Variants in PRDM10 observed in about 807,000 individuals in gnomAD.
PRDM10 encodes PR domain zinc finger protein 10.
PRDM10 carries 65 observed loss-of-function variants against 133.1 expected under a neutral mutation model. That is an observed-to-expected ratio of 0.49 (90% CI 0.40 to 0.60). The LOEUF (loss-of-function observed/expected upper bound fraction) is 0.60, where lower values mean the gene tolerates loss of function less well. Among genes scored for constraint, PRDM10 ranks in the 20% least tolerant of loss-of-function variants. The probability of loss-of-function intolerance (pLI) is 0.00; values close to 1 mark genes in which losing one functional copy is unlikely to be tolerated. For missense variants in PRDM10, 1,137 were observed against 1,507.1 expected (o/e 0.75, Z 4.07); for synonymous variants, 582 against 580.4 (o/e 1.00, Z -0.04).
At chr11:129,909,470 G>A (rs1300966282) in intron 19 of PRDM10, among the ~76,000 whole-genome samples, 1 of 151,562 alleles carries the variant, frequency 6.6e-6, no homozygotes, top group African/African-American at 2.4e-5. Context: ...AAAGAATATT[G>A]ATTGTAAAAA....
intron 13 of PRDM10, among the ~76,000 whole-genome samples, chr11:129,919,568 A>G (rs888403474): frequency 1.3e-5 from 2 of 152,220 alleles, no homozygotes; most frequent in African/African-American, 4.8e-5. Context: ...TGGTTTCACT[A>G]TTTAGTGACA....
intron 1 of PRDM10, among the ~76,000 whole-genome samples, chr11:129,999,788 T>C (rs1418769236): frequency 6.6e-6 from 1 of 152,202 alleles, no homozygotes; most frequent in Admixed American, 6.5e-5. Context: ...GAAATCAAAA[T>C]ATTATAATTC....
At chr11:129,960,230 T>C (rs1024651449) in intron 2 of PRDM10, among the ~76,000 whole-genome samples, 1 of 152,238 alleles carries the variant, frequency 6.6e-6, no homozygotes, top group Non-Finnish European at 1.5e-5. Context: ...GTATGTTTAC[T>C]ACAATGTTTA....
chr11:129,929,380 T>A (rs1442160804), intron 11 of PRDM10: 1 of 1,560,920 alleles, frequency 6.4e-7, no homozygotes. Context: ...AGTAACATTC[T>A]GTTATGTGAA....
intron 1 of PRDM10, among the ~76,000 whole-genome samples, chr11:129,996,315 C>G (rs1939061429): frequency 6.6e-6 from 1 of 152,200 alleles, no homozygotes. Flanking sequence ...TGCTCTGGTA[C>G]AGGGGATGGC....
Position 129,931,017 on chromosome 11 carries a change from C to A in PRDM10, c.1529G>T (p.Arg510Leu). 3 of 1,600,928 alleles carry A rather than the reference C, an allele frequency of 1.9e-6. No individual in the cohort carries two copies. Among genetic ancestry groups the A allele is most frequent in the South Asian group, 2.2e-5 (2 of 89,726 alleles). The change falls in exon 11 of 21, where the codon CGA becomes CTA. Residue 510 changes from arginine to leucine, a missense_variant and splice_region_variant. Transcript: ENST00000360871. ...ADDMRRAKRI[R>L]NAALQHLFIR... ...GAGCCGCCGGCTTTCCCCACTTACT[C>A]GGATGCGCTTGGCTCTGCGCATGTC... is the stretch of plus-strand genomic sequence containing the variant.
chr11:129,942,907 C>A (rs1309275622), intron 6 of PRDM10, among the ~76,000 whole-genome samples: 1 of 152,150 alleles, frequency 6.6e-6, no homozygotes, highest in African/African-American at 2.4e-5. Flanking sequence ...GATAAAAATG[C>A]TATAAATATG....
chr11:129,984,231 G>T (rs1349742936), intron 1 of PRDM10, among the ~76,000 whole-genome samples: 1 of 152,210 alleles, frequency 6.6e-6, no homozygotes, highest in African/African-American at 2.4e-5. Context: ...CCACTGGGTG[G>T]CTGGCACCAG....
At chr11:129,953,986 G>A (rs1951646071) in intron 4 of PRDM10, among the ~76,000 whole-genome samples, 1 of 148,514 alleles carries the variant, frequency 6.7e-6, no homozygotes, top group African/African-American at 2.4e-5. Flanking sequence ...GTTGGTTTGG[G>A]TCAAGAATAT....
At chr11:129,956,126 T>TA (rs373757342) in intron 3 of PRDM10, among the ~76,000 whole-genome samples, 18 of 148,970 alleles carry the variant, frequency 1.2e-4, no homozygotes, top group Admixed American at 6.0e-4. Context: ...AAGTCATAAT[T>TA]AAAAAAAAAA....
chr11:129,955,501 C>T lies in PRDM10; in HGVS notation c.294+11G>A, dbSNP rs755537935. The T allele has an allele frequency of 3.7e-6, 6 of 1,613,476 alleles. No homozygotes were observed. In the East Asian group the frequency reaches 1.3e-4, roughly 36 times the overall value. ...GTGTTATCCCCAAACAAGAAAAAGGCAGTTCGTTACCTGCTGAGCTGTAGC... is the reference window on the plus strand; with the variant it reads ...GTGTTATCCCCAAACAAGAAAAAGGTAGTTCGTTACCTGCTGAGCTGTAGC... On this transcript the variant is annotated intron_variant, in intron 4 of 20. Transcript: ENST00000360871.
intron 1 of PRDM10, among the ~76,000 whole-genome samples, chr11:129,978,181 G>A (rs913121535): frequency 6.6e-5 from 10 of 152,106 alleles, no homozygotes; most frequent in Admixed American, 2.6e-4. Flanking sequence ...GATAATGCTG[G>A]GACACTCCAG....
Position 129,923,693 on chromosome 11 carries a change from A to AGAGAGAGAGAGAGAGAGC in PRDM10, c.1879-291_1879-290insGCTCTCTCTCTCTCTCTC, listed in dbSNP as rs1491447398. ...GAGAGAGAGAGAGAGAGAGAGAGAG[A>AGAGAGAGAGAGAGAGAGC]GTGCTTGCTTGGTCAAAGCCCTGAT... is the stretch of plus-strand genomic sequence containing the variant. On this transcript the variant is annotated intron_variant, in intron 12 of 20. Transcript: ENST00000360871. The surrounding 1 kb of genome is among the most constrained non-coding windows in gnomAD (Gnocchi z 4.4). Among the ~76,000 whole-genome samples the AGAGAGAGAGAGAGAGAGC allele has an allele frequency of 2.9e-5, 4 of 135,674 alleles. No individual in the cohort carries two copies. Among genetic ancestry groups the AGAGAGAGAGAGAGAGAGC allele is most frequent in the African/African-American group, 1.1e-4 (4 of 35,514 alleles). The allele number at this position is 135,674 out of a possible 152,430, so 89.0% of individuals were successfully genotyped here. A position where few individuals can be genotyped will look rare whatever the true frequency, so the allele number is the denominator to read the frequency against.
rs1320573737 is a variant in PRDM10, at chr11:129,917,223, C to T, written c.2229G>A (p.Ser743=). The stretch of plus-strand genomic sequence containing the variant: ...CTATCTTCATGTCTGGGTGTCTCTT[C>T]GATAAGTGATTTACCTAAAGGGAAA... ...RRRGMLVNHL[S]KRHPDMKIEE... Residue 743 remains serine (S), a synonymous_variant, in exon 15 of 21, where the codon TCG becomes TCA. Transcript: ENST00000360871. 5.6e-6 allele frequency: 9 copies of T among 1,611,554 alleles called. No homozygotes were observed. Among genetic ancestry groups the T allele is most frequent in the Middle Eastern group, 1.7e-4 (1 of 6,056 alleles).
chr11:129,948,369 T>C (rs994456602), intron 4 of PRDM10, among the ~76,000 whole-genome samples: 19 of 152,134 alleles, frequency 1.2e-4, no homozygotes, highest in African/African-American at 4.1e-4. Flanking sequence ...CATATGTTGT[T>C]TTCCTCACCT....
chr11:129,996,765 G>A (rs1939086446), intron 1 of PRDM10, among the ~76,000 whole-genome samples: 1 of 152,194 alleles, frequency 6.6e-6, no homozygotes, highest in African/African-American at 2.4e-5. Context: ...GACCGAAGTG[G>A]CGGTTCCAAA....
chr11:129,935,232 A>C lies in PRDM10; in HGVS notation c.1040-14T>G, dbSNP rs1402923766. 1 of 1,599,014 alleles carries C rather than the reference A, an allele frequency of 6.3e-7. No individual in the cohort carries two copies. Among genetic ancestry groups the C allele is most frequent in the East Asian group, 2.2e-5 (1 of 44,782 alleles). On this transcript the variant is annotated splice_polypyrimidine_tract_variant and intron_variant, in intron 8 of 20. Coordinates refer to ENST00000360871, the MANE Select transcript of PRDM10 (RefSeq NM_199437.2). Reference sequence around the variant, plus strand: ...GCTCTCGAAGAACTACAGTCACAGGAGAGAAATCATAAAGGCTGATGACCA... The same window carrying C: ...GCTCTCGAAGAACTACAGTCACAGGCGAGAAATCATAAAGGCTGATGACCA...
chr11:129,996,178 A>G (rs1203799104), intron 1 of PRDM10, among the ~76,000 whole-genome samples: 2 of 152,230 alleles, frequency 1.3e-5, no homozygotes, highest in African/African-American at 4.8e-5. Flanking sequence ...GGAGTACAAT[A>G]CAACGTAAGC....
At chr11:129,973,376 T>A (rs1591680383) in intron 1 of PRDM10, among the ~76,000 whole-genome samples, 2 of 152,282 alleles carry the variant, frequency 1.3e-5, no homozygotes, top group African/African-American at 4.8e-5. Context: ...AGGAAACCAA[T>A]GAGGTAAGAG....
Sources: allele counts gnomAD v4.1 joint callset (sites outside exome capture counted in the v4.1 genomes callset), GRCh38; gene constraint gnomAD v4.1.1; non-coding constraint Gnocchi (gnomAD v3.1); transcripts MANE v1.5; gene names NCBI Gene and HGNC (gene_info 2026-07-23, HGNC 2026-07-21).